ATRNL1: variants seen among roughly 807,000 people sequenced by gnomAD.
ATRNL1 encodes the protein attractin-like protein 1.
Under a neutral mutation model 182.7 loss-of-function variants are expected in ATRNL1, and 95 were observed. That is an observed-to-expected ratio of 0.52 (90% confidence interval 0.44 to 0.62). The LOEUF (loss-of-function observed/expected upper bound fraction) is 0.62. Among genes scored for constraint, ATRNL1 ranks in the 20% least tolerant of loss-of-function variants. The pLI is 0.00. For synonymous variants in ATRNL1, 576 were observed against 568.3 expected (o/e 1.01, Z -0.19); for missense variants, 1,471 against 1,679.5 (o/e 0.88, Z 2.17).
intron 26 of ATRNL1, among the ~76,000 whole-genome samples, chr10:115,664,671 A>G (rs1221969452): frequency 3.3e-5 from 5 of 152,190 alleles, no homozygotes; most frequent in Non-Finnish European, 5.9e-5. Flanking sequence ...AAATTATCAT[A>G]TAAATAATTT....
Position 115,946,627 on chromosome 10 carries a change from T to C in ATRNL1, c.*1848T>C, listed in dbSNP as rs1953882480. ...TTTTTTTGGAGGGGGAGGCCACTGG[T>C]TGTTTCTACTTCCCTGTGATATTTT... On this transcript the variant is annotated 3_prime_UTR_variant, in exon 29 of 29. Coordinates refer to ENST00000355044, the MANE Select transcript of ATRNL1 (RefSeq NM_207303.4). 1 of 152,126 alleles carries C rather than the reference T, an allele frequency of 6.6e-6. No individual in the cohort carries two copies. The highest frequency in any genetic ancestry group is 6.5e-5 in the Admixed American group (1 of 15,272). The allele number at this position is 152,126 out of a possible 1,614,324, so 9.4% of individuals were successfully genotyped here.
chr10:115,125,784 C>T (rs1194161027), intron 3 of ATRNL1, among the ~76,000 whole-genome samples: 1 of 152,132 alleles, frequency 6.6e-6, no homozygotes, highest in East Asian at 1.9e-4. Flanking sequence ...TTTTTCTTTC[C>T]TTCATTCTGT....
intron 26 of ATRNL1, among the ~76,000 whole-genome samples, chr10:115,623,673 C>G (rs1177166943): frequency 6.6e-6 from 1 of 151,418 alleles, no homozygotes; most frequent in Non-Finnish European, 1.5e-5. Context: ...TGGGGGTAAA[C>G]AAATACCACA....
At chr10:115,840,753 C>T (rs1271969172) in intron 27 of ATRNL1, among the ~76,000 whole-genome samples, 1 of 152,084 alleles carries the variant, frequency 6.6e-6, no homozygotes, top group Non-Finnish European at 1.5e-5. Flanking sequence ...CCTAGCATGA[C>T]CTGGCATGGC....
intron 10 of ATRNL1, among the ~76,000 whole-genome samples, chr10:115,249,472 T>C (rs1850782607): frequency 6.6e-6 from 1 of 152,184 alleles, no homozygotes; most frequent in Non-Finnish European, 1.5e-5. Flanking sequence ...TAAATCAGTC[T>C]GCCTTCAGCT....
chr10:115,405,699 T>A (rs535819764), intron 20 of ATRNL1, among the ~76,000 whole-genome samples: 2 of 152,246 alleles, frequency 1.3e-5, no homozygotes, highest in East Asian at 3.9e-4. Flanking sequence ...TTTCTTTTTT[T>A]TTTTAATTAT....
At chr10:115,735,891 G>A (rs1448347685) in intron 27 of ATRNL1, among the ~76,000 whole-genome samples, 4 of 152,166 alleles carry the variant, frequency 2.6e-5, no homozygotes, top group East Asian at 1.9e-4. Context: ...CCATGCATAA[G>A]GGAAGACTAC....
intron 24 of ATRNL1, among the ~76,000 whole-genome samples, chr10:115,518,929 T>G (rs1296895429): frequency 1.3e-5 from 2 of 151,980 alleles, no homozygotes; most frequent in African/African-American, 4.8e-5. Flanking sequence ...GAAAATTCCC[T>G]GTTTTCTTAG....
chr10:115,628,869 T>C (rs1453512081), intron 26 of ATRNL1, among the ~76,000 whole-genome samples: 1 of 152,208 alleles, frequency 6.6e-6, no homozygotes, highest in African/African-American at 2.4e-5. Flanking sequence ...ACCAATCTAA[T>C]ATATCCAGTT....
At chr10:115,160,993 T>C (rs140476083) in intron 6 of ATRNL1, among the ~76,000 whole-genome samples, 1 of 152,058 alleles carries the variant, frequency 6.6e-6, no homozygotes, top group East Asian at 1.9e-4. Flanking sequence ...TAAACTTGAA[T>C]TTCAGATAAA....
At chr10:115,448,028 CTCT>C (rs1847094628) in intron 21 of ATRNL1, among the ~76,000 whole-genome samples, 1 of 151,880 alleles carries the variant, frequency 6.6e-6, no homozygotes, top group African/African-American at 2.4e-5. Flanking sequence ...ATTTAAGTTT[CTCT>C]TCTTTGAATT....
At position 115,165,588 on chromosome 10, in the gene ATRNL1, A is replaced by T; in HGVS notation, c.1035A>T (p.Val345=). The change falls in exon 7 of 29, where the codon GTA becomes GTT. Residue 345 remains valine (V), a synonymous_variant. Transcript: ENST00000355044. ...NYNLESSIWN[V]GTPSRGPLQR... ...ATTTAGAAAGCAGTATATGGAATGTAGGAACTCCATCAAGGGGACCTCTCC... is the reference window on the plus strand; with the variant it reads ...ATTTAGAAAGCAGTATATGGAATGTTGGAACTCCATCAAGGGGACCTCTCC... 5 of 1,540,116 alleles carry T rather than the reference A, an allele frequency of 3.2e-6. No homozygotes were observed. The highest frequency in any genetic ancestry group is 4.4e-6 in the Non-Finnish European group (5 of 1,133,098).
At position 115,096,898 on chromosome 10, in the gene ATRNL1, A is replaced by G. The variant is rs575885542; in HGVS notation, c.293+2855A>G. On this transcript the variant is annotated intron_variant, in intron 1 of 28. Coordinates refer to ENST00000355044, the MANE Select transcript of ATRNL1 (RefSeq NM_207303.4). ...AGCTAGACTAAAGGACTTGGGATTG[A>G]GAATAGGAAAATATATTTGAAATAT... 133 of 773,446 alleles carry G rather than the reference A, an allele frequency of 1.7e-4. No homozygotes were observed. In the South Asian group the frequency reaches 3.9e-3, roughly 23 times the overall value. The allele number at this position is 773,446 out of a possible 1,614,324, so 47.9% of individuals were successfully genotyped here. A position where few individuals can be genotyped will look rare whatever the true frequency, so the allele number is the denominator to read the frequency against.
chr10:115,403,257 C>CTTTTTTTTTTTTTTTTTT lies in ATRNL1; in HGVS notation c.3269+8507_3269+8524dup, dbSNP rs59256867. Among the ~76,000 whole-genome samples, 222 of 107,386 alleles carry CTTTTTTTTTTTTTTTTTT rather than the reference C, an allele frequency of 2.1e-3. 25 individuals carry two copies. Among genetic ancestry groups the CTTTTTTTTTTTTTTTTTT allele is most frequent in the African/African-American group, 0.01 (205 of 20,354 alleles). The allele number at this position is 107,386 out of a possible 152,430, so 70.4% of individuals were successfully genotyped here. On this transcript the variant is annotated intron_variant, in intron 20 of 28. Coordinates refer to ENST00000355044, the MANE Select transcript of ATRNL1 (RefSeq NM_207303.4). ...CTTTATTTTTCCTAATTACTCTCATCTTTTTTTTTTTTTTTTTTTAGTCTG... is the reference window on the plus strand; with the variant it reads ...CTTTATTTTTCCTAATTACTCTCATCTTTTTTTTTTTTTTTTTTTTTTTTTTTTTTTTTTTTTAGTCTG...
intron 28 of ATRNL1, among the ~76,000 whole-genome samples, chr10:115,869,356 C>G (rs921349528): frequency 5.3e-5 from 8 of 152,166 alleles, no homozygotes; most frequent in African/African-American, 1.9e-4. Flanking sequence ...TGACTCTGTT[C>G]TCATCTGTAG....
intron 28 of ATRNL1, among the ~76,000 whole-genome samples, chr10:115,897,683 C>T (rs1555112831): frequency 6.6e-6 from 1 of 152,136 alleles, no homozygotes; most frequent in Non-Finnish European, 1.5e-5. Flanking sequence ...TGAGCCCAGG[C>T]TGCCAGATTT....
intron 26 of ATRNL1, among the ~76,000 whole-genome samples, chr10:115,600,931 T>A (rs1241227382): frequency 2.7e-3 from 4 of 1,474 alleles, no homozygotes; most frequent in East Asian, 0.33. Flanking sequence ...TTTATTTTCT[T>A]TTTTTTTTTT....
intron 10 of ATRNL1, among the ~76,000 whole-genome samples, chr10:115,242,438 A>G (rs1226098457): frequency 2.6e-5 from 4 of 151,974 alleles, no homozygotes; most frequent in African/African-American, 7.2e-5. Flanking sequence ...TTGTTTTTCT[A>G]TGTATCATAT....
chr10:115,300,021 CTGT>C lies in ATRNL1; in HGVS notation c.2416-8_2416-6del, dbSNP rs1337043431. ...TAACTTTCTTTGAATGCCCCTTTTC[CTGT>C]TGTTTACAGAAAGTATCACCTTGGG... On this transcript the variant is annotated splice_polypyrimidine_tract_variant and intron_variant, in intron 15 of 28. Transcript: ENST00000355044. 1.9e-6 allele frequency: 3 copies of C among 1,586,694 alleles called. No individual in the cohort carries two copies. The highest frequency in any genetic ancestry group is 2.6e-6 in the Non-Finnish European group (3 of 1,159,382).
Sources: gnomAD v4.1 joint callset for allele counts (sites outside exome capture counted in the v4.1 genomes callset) on GRCh38, gnomAD v4.1.1 for gene constraint, MANE v1.5 for transcripts, NCBI Gene and HGNC (gene_info 2026-07-23, HGNC 2026-07-21) for gene names.